Variants in CUZD1 observed in about 807,000 individuals in gnomAD.
CUZD1 encodes the protein CUB and zona pellucida-like domain-containing protein 1.
In CUZD1, 42 loss-of-function variants were observed where a neutral mutation model predicts 53.1. That is an observed-to-expected ratio of 0.79 (90% CI 0.62 to 1.02). The LOEUF is 1.02. CUZD1 is among the 50% of genes least tolerant of loss of function. CUZD1 has a pLI of 0.00. For synonymous variants in CUZD1, 238 were observed against 257.2 expected (o/e 0.93, Z 0.71); for missense variants, 670 against 715.7 (o/e 0.94, Z 0.73).
intron 2 of CUZD1, among the ~76,000 whole-genome samples, chr10:122,840,216 T>C (rs1043212946): frequency 2.6e-5 from 4 of 152,224 alleles, no homozygotes; most frequent in African/African-American, 9.7e-5. Flanking sequence ...TACAGGGCTA[T>C]GGTTCTCAAA....
chr10:122,844,237 C>T (rs768404303), intron 1 of CUZD1, among the ~76,000 whole-genome samples: 6 of 151,826 alleles, frequency 4.0e-5, no homozygotes, highest in African/African-American at 1.5e-4. Context: ...GGTCTCACTA[C>T]GTCGTTCAGG....
At chr10:122,832,489 G>A (rs1847176072) in intron 8 of CUZD1, 39 bp from the exon 9 acceptor site, 2 of 1,593,950 alleles carry the variant, frequency 1.3e-6, no homozygotes, top group Non-Finnish European at 1.7e-6. Context: ...TTTTTAAGAA[G>A]TGTTCACATT....
chr10:122,845,660 A>G, intron 1 of CUZD1, 102 bp downstream of exon 1: 1 of 855,928 alleles, frequency 1.2e-6, no homozygotes, highest in Non-Finnish European at 1.8e-6. Context: ...TTTTCTCTGA[A>G]CTGGGGCCAA....
Position 122,837,036 on chromosome 10 carries a change from G to T in CUZD1, c.612C>A (p.Asp204Glu), listed in dbSNP as rs373241545. The T allele has an allele frequency of 1.2e-6, 2 of 1,611,558 alleles. No homozygotes were observed. Among genetic ancestry groups the T allele is most frequent in the East Asian group, 2.2e-5 (1 of 44,790 alleles). The change falls in exon 5 of 9, where the codon GAC becomes GAA. Residue 204 changes from aspartate to glutamate, a missense_variant. Coordinates refer to ENST00000392790, the MANE Select transcript of CUZD1 (RefSeq NM_022034.6). ...CAAGAAAATCAAATTTGCACTGTTT[G>T]TCTATTTCTAGGCTAGAGAATGAGG... ...LNFKEIFLEI[D>E]KQCKFDFLAI... is the part of the protein sequence containing the mutation.
chr10:122,841,773 A>C (rs1195790872), intron 1 of CUZD1, among the ~76,000 whole-genome samples: 1 of 152,198 alleles, frequency 6.6e-6, no homozygotes, highest in Non-Finnish European at 1.5e-5. Flanking sequence ...TTGTCAACAC[A>C]CACTATTGTC....
chr10:122,836,080 G>C, intron 6 of CUZD1, 98 bp downstream of exon 6: 1 of 1,125,068 alleles, frequency 8.9e-7, no homozygotes, highest in South Asian at 1.7e-5. Context: ...AAAATTTGGG[G>C]GTCGTTTGTT....
In CUZD1 at chr10:122,837,492, G is replaced by T; in HGVS notation, c.511C>A (p.Pro171Thr). The T allele has an allele frequency of 6.2e-7, 1 of 1,611,084 alleles. No homozygotes were observed. The highest frequency in any genetic ancestry group is 8.5e-7 in the Non-Finnish European group (1 of 1,178,912). ...TAAGCCAGCTCAGGATGCGGCTTTG[G>T]GTAATTGGGGCTGGTGAAGGATCCT... Reference protein sequence around the residue: ...LEGSFTSPNYPKPHPELAYCV... With the variant: ...LEGSFTSPNYTKPHPELAYCV... The change falls in exon 4 of 9, where the codon CCA (proline) becomes ACA (threonine). Residue 171 changes from proline (P) to threonine (T), a missense_variant. Transcript: ENST00000392790.
chr10:122,844,210 T>A (rs1847396873), intron 1 of CUZD1, among the ~76,000 whole-genome samples: 1 of 151,756 alleles, frequency 6.6e-6, no homozygotes. Context: ...ATTTTTTTTT[T>A]AATTTTGTAG....
In CUZD1 at chr10:122,834,686, T is replaced by C. The variant is rs1211544887; in HGVS notation, c.1382+20A>G. The stretch of plus-strand genomic sequence containing the variant: ...CACAGGAAGGAATATCATACATACA[T>C]CAGTTACATTAATACATACCCACTC... On this transcript the variant is annotated intron_variant, in intron 7 of 8. Transcript: ENST00000392790. 2.6e-6 allele frequency: 4 copies of C among 1,537,252 alleles called. No individual in the cohort carries two copies. The highest frequency in any genetic ancestry group is 3.5e-6 in the Non-Finnish European group (4 of 1,141,334).
In CUZD1 at chr10:122,839,059, T is replaced by C. The variant is rs1847295607; in HGVS notation, c.406A>G (p.Arg136Gly). 2 of 1,614,158 alleles carry C rather than the reference T, an allele frequency of 1.2e-6. No individual in the cohort carries two copies. The highest frequency in any genetic ancestry group is 8.5e-7 in the Non-Finnish European group (1 of 1,179,978). The change falls in exon 3 of 9, where the codon AGA (arginine) becomes GGA (glycine). Residue 136 changes from arginine to glycine, a missense_variant. By Grantham distance (125) the Arg-to-Gly change is moderately radical. Transcript: ENST00000392790. Reference sequence around the variant, plus strand: ...AAGTAGTAGAAGACAAAGACAGTTCTTTGAATTCTTGCTGAGTCAGTAACT... The same window carrying C: ...AAGTAGTAGAAGACAAAGACAGTTCCTTGAATTCTTGCTGAGTCAGTAACT... Reference protein sequence around the residue: ...QIVTDSARIQRTVFVFYYFFS... With the variant: ...QIVTDSARIQGTVFVFYYFFS...
At position 122,842,679 on chromosome 10, in the gene CUZD1, A is replaced by G. The variant is rs368077475; in HGVS notation, c.83-1351T>C. Among the ~76,000 whole-genome samples the G allele has an allele frequency of 1.3e-4, 20 of 152,306 alleles. No individual in the cohort carries two copies. The South Asian group carries it at 3.9e-3, about 30-fold the overall frequency. On this transcript the variant is annotated intron_variant, in intron 1 of 8. Transcript: ENST00000392790. ...GGGATTTGTATTGGAATTGCACTGA[A>G]TTTATAGATCAACCTGGGAAAAAAA...
At chr10:122,836,038 T>C in intron 6 of CUZD1, 140 bp downstream of exon 6, 1 of 656,098 alleles carries the variant, frequency 1.5e-6, no homozygotes, top group Non-Finnish European at 2.5e-6. Context: ...CACTTATATG[T>C]CTTCACATGC....
chr10:122,838,829 G>A (rs1015569923), intron 3 of CUZD1, among the ~76,000 whole-genome samples, 188 bp downstream of exon 3: 1 of 152,166 alleles, frequency 6.6e-6, no homozygotes, highest in Non-Finnish European at 1.5e-5. Context: ...TGGGGTCCAG[G>A]ATCTGTGATT....
intron 8 of CUZD1, 143 bp from the exon 9 acceptor site, chr10:122,832,593 G>C: frequency 2.3e-6 from 1 of 442,650 alleles, no homozygotes; most frequent in Non-Finnish European, 3.8e-6. Flanking sequence ...ACAATATAGA[G>C]GAACCATTAT....
At chr10:122,843,962 CTATA>C (rs2133819076) in intron 1 of CUZD1, among the ~76,000 whole-genome samples, 2 of 145,912 alleles carry the variant, frequency 1.4e-5, no homozygotes, top group East Asian at 4.0e-4. Flanking sequence ...TATATATAGA[CTATA>C]TAAAGACTAT....
At chr10:122,839,432 T>C (rs1290034937) in intron 2 of CUZD1, among the ~76,000 whole-genome samples, 1 of 152,196 alleles carries the variant, frequency 6.6e-6, no homozygotes, top group Non-Finnish European at 1.5e-5. Context: ...CTCAGGGAGA[T>C]GAACTGCTTT....
In CUZD1 at chr10:122,836,186, T is replaced by C; in HGVS notation, c.982A>G (p.Ile328Val). 2 of 1,600,728 alleles carry C rather than the reference T, an allele frequency of 1.2e-6. No homozygotes were observed. The highest frequency in any genetic ancestry group is 1.7e-6 in the Non-Finnish European group (2 of 1,176,138). ...TCAGTATTTCACTTTACCTTTCTGA[T>C]TGTACCACATCCATTAAGAGGGACA... ...FSVPLNGCGT[I>V]RKVEDQSITY... The change falls in exon 6 of 9, where the codon ATC (isoleucine) becomes GTC (valine). Residue 328 changes from isoleucine to valine, a missense_variant. By Grantham distance (29) the Ile-to-Val change is conservative (BLOSUM62 3). Transcript: ENST00000392790.
chr10:122,839,619 C>CTCTTCT, intron 2 of CUZD1, among the ~76,000 whole-genome samples: 1 of 152,302 alleles, frequency 6.6e-6, no homozygotes, highest in African/African-American at 2.4e-5. Flanking sequence ...GGTGAAGCAA[C>CTCTTCT]TCTTCTTCTT....
chr10:122,838,882 G>A, intron 3 of CUZD1, 135 bp downstream of exon 3: 1 of 666,242 alleles, frequency 1.5e-6, no homozygotes, highest in South Asian at 1.9e-5. Flanking sequence ...GTAAGTTAGA[G>A]AACTACTGCT....
Sources: gnomAD v4.1 joint callset for allele counts (sites outside exome capture counted in the v4.1 genomes callset) on GRCh38, gnomAD v4.1.1 for gene constraint, MANE v1.5 for transcripts, NCBI Gene and HGNC (gene_info 2026-07-23, HGNC 2026-07-21) for gene names.